The following ZNF433 variants were observed in gnomAD, a reference collection of about 807,000 sequenced individuals.
ZNF433 encodes zinc finger protein 433.
A neutral mutation model predicts 10.6 loss-of-function variants in ZNF433; 12 were observed. The observed-to-expected ratio is 1.13, with a 90% CI of 0.72 to 1.83. ZNF433 has a LOEUF of 1.83. Among genes scored for constraint, ZNF433 ranks in the 40% most tolerant of loss-of-function variants. The probability of loss-of-function intolerance (pLI) is 0.00; values close to 1 mark genes in which losing one functional copy is unlikely to be tolerated. For synonymous variants in ZNF433, 272 were observed against 271.3 expected, an observed-to-expected ratio of 1.00 and a Z score of -0.02; for missense variants, 737 against 798.0, an observed-to-expected ratio of 0.92 and a Z score of 0.92.
chr19:12,016,735 T>C, intron 3 of ZNF433, 69 bp from the exon 4 acceptor site: 1 of 1,532,210 alleles, frequency 6.5e-7, no homozygotes, highest in Non-Finnish European at 8.7e-7. Flanking sequence ...TCACAAGTAT[T>C]GCACTTGCAT....
chr19:12,016,305 G>A lies in ZNF433; in HGVS notation c.553C>T (p.His185Tyr), dbSNP rs1974195616. 6.2e-7 allele frequency: 1 copy of A among 1,614,178 alleles called. No individual in the cohort carries two copies. Among genetic ancestry groups the A allele is most frequent in the African/African-American group, 1.3e-5 (1 of 75,056 alleles). ...CCATCTCCACGGTGCATTATCCTGT[G>A]TCTTTGAAGGTTTGAATGGGAAATA... is the stretch of plus-strand genomic sequence containing the variant. The part of the protein sequence containing the change: ...TFISHSNLQR[H>Y]RIMHRGDGPY... Residue 185 changes from histidine to tyrosine, a missense_variant, in exon 4 of 4, where the codon CAC becomes TAC. Physicochemically the swap from His to Tyr is moderately conservative, Grantham distance 83 (BLOSUM62 2). Transcript: ENST00000550507.
At position 12,035,584 on chromosome 19, in the gene ZNF433, A is replaced by C. The variant is rs764290742; in HGVS notation, c.-45T>G. The stretch of plus-strand genomic sequence containing the variant: ...TCCCACGACCAGTGCGGGTCACAGC[A>C]CAGGCGACAGAAGCTATGGCAGAGG... On this transcript the variant is annotated 5_prime_UTR_variant, in exon 1 of 4. Transcript: ENST00000550507. The C allele has an allele frequency of 7.1e-6, 11 of 1,558,930 alleles. No homozygotes were observed. Among genetic ancestry groups the C allele is most frequent in the Non-Finnish European group, 7.8e-6 (9 of 1,151,800 alleles).
At chr19:12,033,163 C>T (rs977156534) in intron 1 of ZNF433, among the ~76,000 whole-genome samples, 2 of 151,838 alleles carry the variant, frequency 1.3e-5, no homozygotes, top group South Asian at 2.1e-4. Flanking sequence ...GTGCGATGTC[C>T]GCTCATTGCA....
chr19:12,029,165 G>A (rs866022110), intron 1 of ZNF433, among the ~76,000 whole-genome samples: 15 of 152,160 alleles, frequency 9.9e-5, no homozygotes, highest in Non-Finnish European at 1.3e-4. Flanking sequence ...AGGCAGGTTT[G>A]TTTTTTCATT....
At chr19:12,027,047 C>A (rs1974772841) in intron 1 of ZNF433, 1 of 448,906 alleles carries the variant, frequency 2.2e-6, no homozygotes, top group African/African-American at 2.0e-5. Flanking sequence ...TCTAGAAGGA[C>A]ACTCTAGAAA....
intron 1 of ZNF433, chr19:12,023,687 G>A (rs1009121746): frequency 6.6e-6 from 1 of 152,122 alleles, no homozygotes; most frequent in Non-Finnish European, 1.5e-5. Context: ...GTTGGAGTTG[G>A]TAAAGCCCCT....
In ZNF433 at chr19:12,016,352, CA is replaced by C; in HGVS notation, c.505del (p.Cys169ValfsTer19). 1 of 1,614,130 alleles carries C rather than the reference CA, an allele frequency of 6.2e-7. No individual in the cohort carries two copies. The highest frequency in any genetic ancestry group is 8.5e-7 in the Non-Finnish European group (1 of 1,179,972). ...AATAAATGTTTTTCCGCATTCCTCA[CA>C]AACATAGAGTTTCCTTCCACTATGA... ...RAHSGRKLYV[C>X]EECGKTFISH... On this transcript the variant is annotated frameshift_variant, in exon 4 of 4. Transcript: ENST00000550507. LOFTEE classifies it low-confidence loss of function (END_TRUNC).
At chr19:12,016,765 A>ATG (rs1452292469) in intron 3 of ZNF433, 99 bp from the exon 4 acceptor site, 1 of 1,433,406 alleles carries the variant, frequency 7.0e-7, no homozygotes, top group African/African-American at 1.4e-5. Flanking sequence ...TTTTTTTGAG[A>ATG]TGGAGTCTCA....
Position 12,014,733 on chromosome 19 carries a change from C to CTTTT in ZNF433, c.*108_*111dup. On this transcript the variant is annotated 3_prime_UTR_variant, in exon 4 of 4. Transcript: ENST00000550507. ...ACTGCCATTACCACCAACTGGAAGTCTTTTTATTTATTTATTTAATTTTTA... is the reference window on the plus strand; with the variant it reads ...ACTGCCATTACCACCAACTGGAAGTCTTTTTTTTTATTTATTTATTTAATTTTTA... 1.2e-6 allele frequency: 1 copy of CTTTT among 826,320 alleles called. No individual in the cohort carries two copies. The highest frequency in any genetic ancestry group is 1.8e-6 in the Non-Finnish European group (1 of 561,314). The allele number at this position is 826,320 out of a possible 1,614,324, so 51.2% of individuals were successfully genotyped here.
intron 1 of ZNF433, among the ~76,000 whole-genome samples, chr19:12,031,469 G>A (rs1394002116): frequency 1.3e-5 from 2 of 151,960 alleles, no homozygotes; most frequent in Non-Finnish European, 2.9e-5. Flanking sequence ...AGCCAGCATG[G>A]CGAAACCCCT....
At chr19:12,035,316 G>C (rs888195356) in intron 1 of ZNF433, among the ~76,000 whole-genome samples, 4 of 152,156 alleles carry the variant, frequency 2.6e-5, no homozygotes, top group African/African-American at 9.7e-5. Flanking sequence ...CTGGGAACTG[G>C]GTGACAGTCA....
chr19:12,020,810 A>G lies in ZNF433; in HGVS notation c.4-2518T>C, dbSNP rs536794777. On this transcript the variant is annotated intron_variant, in intron 1 of 3. Coordinates refer to ENST00000550507, the MANE Select transcript of ZNF433 (RefSeq NM_001308348.2). ...TGCGCGCTACTGGGAAGGCTGAGGC[A>G]GGAGAATCGCTTGAACCAGGGAGGC... Among the ~76,000 whole-genome samples the G allele has an allele frequency of 9.9e-5, 15 of 151,362 alleles. 1 individual carries two copies. The highest frequency in any genetic ancestry group is 3.4e-4 in the African/African-American group (14 of 41,356).
intron 3 of ZNF433, among the ~76,000 whole-genome samples, 184 bp from the exon 4 acceptor site, chr19:12,016,850 T>A (rs1974231918): frequency 6.6e-6 from 1 of 152,088 alleles, no homozygotes; most frequent in Admixed American, 6.5e-5. Flanking sequence ...TTCAAGCAAT[T>A]TTCCTGCCTC....
At chr19:12,035,485 C>G in intron 1 of ZNF433, 52 bp downstream of exon 1, 2 of 1,556,756 alleles carry the variant, frequency 1.3e-6, no homozygotes, top group South Asian at 2.4e-5. Flanking sequence ...CGGTTCCGGC[C>G]GGTTCCAACC....
intron 1 of ZNF433, chr19:12,034,733 A>G (rs1176076973): frequency 2.2e-6 from 1 of 448,258 alleles, no homozygotes; most frequent in Admixed American, 2.4e-5. Flanking sequence ...AAAGCTTCAC[A>G]CTCTCCACCA....
Position 12,014,907 on chromosome 19 carries a change from CTT to C in ZNF433, c.1949_1950del (p.Lys650SerfsTer3). The C allele has an allele frequency of 6.2e-7, 1 of 1,613,528 alleles. No individual in the cohort carries two copies. The highest frequency in any genetic ancestry group is 1.3e-5 in the African/African-American group (1 of 75,038). On this transcript the variant is annotated frameshift_variant, in exon 4 of 4. Coordinates refer to ENST00000550507, the MANE Select transcript of ZNF433 (RefSeq NM_001308348.2). LOFTEE classifies it low-confidence loss of function (END_TRUNC). ...TGAAGTTGTGAAGAACATCTAAAGA[CTT>C]TACCACATTGGTTACATTTATAGGG... is the stretch of plus-strand genomic sequence containing the variant. ...EKPYKCNQCG[K>X]VFRCSSQLQV...
intron 1 of ZNF433, among the ~76,000 whole-genome samples, chr19:12,029,570 A>G (rs937241675): frequency 3.4e-5 from 5 of 147,802 alleles, no homozygotes; most frequent in Non-Finnish European, 7.5e-5. Flanking sequence ...TGTATAAAAT[A>G]TGACTAAGGG....
At chr19:12,023,660 C>T (rs1568336368) in intron 1 of ZNF433, 1 of 152,210 alleles carries the variant, frequency 6.6e-6, no homozygotes, top group East Asian at 1.9e-4. Flanking sequence ...CCAATTCAAC[C>T]CACTCAATTT....
chr19:12,029,648 C>T (rs761962740), intron 1 of ZNF433, among the ~76,000 whole-genome samples: 8 of 150,688 alleles, frequency 5.3e-5, no homozygotes, highest in South Asian at 2.1e-4. Flanking sequence ...ACCTGTAATA[C>T]GATGGAATTA....
Sources: allele counts gnomAD v4.1 joint callset (sites outside exome capture counted in the v4.1 genomes callset), GRCh38; gene constraint gnomAD v4.1.1; transcripts MANE v1.5; gene names NCBI Gene and HGNC (gene_info 2026-07-23, HGNC 2026-07-21).